Variants in RFT1 observed in about 807,000 individuals in gnomAD.
RFT1 encodes the protein man(5)GlcNAc(2)-PP-dolichol translocation protein RFT1.
In RFT1, 43 loss-of-function variants were observed where a neutral mutation model predicts 62.2. That is an observed-to-expected ratio of 0.69 (90% CI 0.54 to 0.89). The LOEUF is 0.89. Among genes scored for constraint, RFT1 ranks in the 40% least tolerant of loss-of-function variants. The probability of loss-of-function intolerance (pLI) is 0.00; values close to 1 mark genes in which losing one functional copy is unlikely to be tolerated. For missense variants in RFT1, 605 were observed against 649.9 expected (o/e 0.93, Z 0.75); for synonymous variants, 262 against 264.6 (o/e 0.99, Z 0.10).
intron 10 of RFT1, among the ~76,000 whole-genome samples, chr3:53,102,470 G>C (rs1284189659): frequency 6.6e-6 from 1 of 152,234 alleles, no homozygotes; most frequent in African/African-American, 2.4e-5. Flanking sequence ...GAAATTCTGT[G>C]AATGTGTGGG....
chr3:53,122,840 G>A (rs1702009028), intron 3 of RFT1, among the ~76,000 whole-genome samples: 1 of 152,138 alleles, frequency 6.6e-6, no homozygotes, highest in Non-Finnish European at 1.5e-5. Flanking sequence ...AAGGGCAGAA[G>A]CAAGACCCAA....
chr3:53,115,160 T>C (rs534038725), intron 6 of RFT1, among the ~76,000 whole-genome samples: 1 of 152,332 alleles, frequency 6.6e-6, no homozygotes, highest in South Asian at 2.1e-4. Context: ...TTCTCTAGCC[T>C]ATCCTTCTCA....
At chr3:53,097,231 TCA>T (rs1701168270) in intron 11 of RFT1, among the ~76,000 whole-genome samples, 1 of 152,042 alleles carries the variant, frequency 6.6e-6, no homozygotes, top group African/African-American at 2.4e-5. Flanking sequence ...CTGTTAAAAT[TCA>T]CAGAGATTAA....
downstream of RFT1, among the ~76,000 whole-genome samples, chr3:53,086,841 A>C (rs903530688): frequency 4.6e-5 from 7 of 152,176 alleles, no homozygotes; most frequent in Non-Finnish European, 1.0e-4. Context: ...AAAGGTGCTC[A>C]GGATCGAGCT....
At chr3:53,084,191 C>T (rs1329123427), downstream of RFT1, among the ~76,000 whole-genome samples, 1 of 152,228 alleles carries the variant, frequency 6.6e-6, no homozygotes, top group East Asian at 1.9e-4. Context: ...AAAGGACTGG[C>T]TCCTACATCA....
intron 10 of RFT1, among the ~76,000 whole-genome samples, chr3:53,101,972 G>A (rs2107102791): frequency 6.6e-6 from 1 of 151,078 alleles, no homozygotes; most frequent in East Asian, 1.9e-4. Context: ...GGGAGGTGGA[G>A]GCTGCAGTGA....
intron 10 of RFT1, 152 bp from the exon 11 acceptor site, chr3:53,099,638 A>G (rs936199336): frequency 2.3e-5 from 16 of 682,810 alleles, no homozygotes; most frequent in Non-Finnish European, 4.3e-5. Context: ...CCAGGGTCTT[A>G]ATAATCTAGA....
the RFT1 span, among the ~76,000 whole-genome samples, chr3:53,067,798 T>C: frequency 5.9e-5 from 9 of 152,300 alleles, no homozygotes; most frequent in Non-Finnish European, 8.8e-5. Context: ...TGGCTGAGAA[T>C]TGAGCCTCCT....
intron 7 of RFT1, among the ~76,000 whole-genome samples, chr3:53,109,613 C>G (rs1181625623): frequency 1.3e-5 from 2 of 152,080 alleles, no homozygotes; most frequent in Non-Finnish European, 2.9e-5. Flanking sequence ...AGTTCAAGAC[C>G]AGTCTGGGCA....
intron 6 of RFT1, among the ~76,000 whole-genome samples, chr3:53,114,123 C>T (rs919740111): frequency 6.6e-6 from 1 of 152,112 alleles, no homozygotes; most frequent in Non-Finnish European, 1.5e-5. Context: ...CACTGGGGAC[C>T]ACGTCATCTT....
intron 2 of RFT1, among the ~76,000 whole-genome samples, chr3:53,124,325 C>T (rs897245692): frequency 2.0e-5 from 3 of 152,180 alleles, no homozygotes; most frequent in African/African-American, 7.2e-5. Flanking sequence ...ATCAGCAAGG[C>T]GTGCCTGGGT....
At chr3:53,080,031 C>T in the RFT1 span, among the ~76,000 whole-genome samples, 3 of 152,236 alleles carry the variant, frequency 2.0e-5, no homozygotes, top group Admixed American at 6.5e-5. Flanking sequence ...CAACACATGG[C>T]AGGGCCCATT....
the RFT1 span, among the ~76,000 whole-genome samples, chr3:53,073,294 G>C: frequency 6.6e-6 from 1 of 152,384 alleles, no homozygotes; most frequent in African/African-American, 2.4e-5. Context: ...CTGCGCACCA[G>C]CATCTGTGGG....
rs1701996497 is a variant in RFT1 at position 53,122,457 on chromosome 3, G to A, written c.373C>T (p.Leu125=). The A allele has an allele frequency of 6.2e-7, 1 of 1,613,942 alleles. No individual in the cohort carries two copies. Among genetic ancestry groups the A allele is most frequent in the Admixed American group, 1.7e-5 (1 of 60,000 alleles). Residue 125 remains leucine (L), a synonymous_variant, in exon 4 of 13, where the codon CTG becomes TTG. Coordinates refer to ENST00000296292, the MANE Select transcript of RFT1 (RefSeq NM_052859.4). ...VVPHYATGVV[L]FGLSAVVELL... is the part of the protein sequence containing the mutation. Reference sequence around the variant, plus strand: ...TCCACCACTGCCGAGAGACCAAACAGCACCACTCCAGTTGCATAGTGAGGG... The same window carrying A: ...TCCACCACTGCCGAGAGACCAAACAACACCACTCCAGTTGCATAGTGAGGG...
intron 8 of RFT1, among the ~76,000 whole-genome samples, chr3:53,106,022 AG>A (rs1356036000): frequency 6.6e-6 from 1 of 152,124 alleles, no homozygotes; most frequent in Admixed American, 6.5e-5. Context: ...TGCTTGAGCC[AG>A]GGAGTTTGAG....
At chr3:53,079,779 C>T in the RFT1 span, among the ~76,000 whole-genome samples, 1 of 152,322 alleles carries the variant, frequency 6.6e-6, no homozygotes, top group South Asian at 2.1e-4. Flanking sequence ...CAGGAGAAAC[C>T]AGTCCATCTT....
chr3:53,093,109 C>T (rs1043344323), intron 11 of RFT1, among the ~76,000 whole-genome samples: 2 of 113,878 alleles, frequency 1.8e-5, no homozygotes, highest in African/African-American at 2.6e-5. Flanking sequence ...AACACTCAGC[C>T]GGACTTCTGA....
chr3:53,126,705 T>A (rs1240123715), intron 1 of RFT1, among the ~76,000 whole-genome samples: 1 of 152,218 alleles, frequency 6.6e-6, no homozygotes, highest in Non-Finnish European at 1.5e-5. Flanking sequence ...CTTTCCAATC[T>A]GTCAATTCAA....
chr3:53,110,210 T>C (rs1225691749), intron 7 of RFT1, among the ~76,000 whole-genome samples: 2 of 152,180 alleles, frequency 1.3e-5, no homozygotes, highest in South Asian at 2.1e-4. Context: ...AGGAAAAAAA[T>C]GCATATGAGC....
Sources: allele counts gnomAD v4.1 joint callset (sites outside exome capture counted in the v4.1 genomes callset), GRCh38; gene constraint gnomAD v4.1.1; transcripts MANE v1.5; gene names NCBI Gene and HGNC (gene_info 2026-07-23, HGNC 2026-07-21).